Variants in HIBCH observed in about 807,000 individuals in gnomAD.
HIBCH encodes 3-hydroxyisobutyryl-CoA hydrolase, also known as 3-hydroxyisobutyryl-CoA hydrolase, mitochondrial.
HIBCH carries 50 observed loss-of-function variants against 58.2 expected under a neutral mutation model. The ratio of observed to expected loss-of-function variants is 0.86; its 90% CI spans 0.68 to 1.09. The LOEUF is 1.09. HIBCH is among the 50% of genes least tolerant of loss of function. The pLI is 0.00. For synonymous variants in HIBCH, 151 were observed against 146.9 expected (o/e 1.03, Z -0.20); for missense variants, 450 against 449.7 (o/e 1.00, Z -0.01).
chr2:190,242,381 AAAGGAGTTTGTTATTACCCACCTT>A (rs1305127757), intron 11 of HIBCH, among the ~76,000 whole-genome samples: 1 of 152,024 alleles, frequency 6.6e-6, no homozygotes, highest in Non-Finnish European at 1.5e-5. Context: ...CCTTCAGCTC[AAAGGAGTTTGTTATTACCCACCTT>A]ATGAAGCCTA....
At chr2:190,245,186 T>C (rs937435447) in intron 10 of HIBCH, 2 of 506,418 alleles carry the variant, frequency 3.9e-6, no homozygotes, top group African/African-American at 3.8e-5. Context: ...AATTTTATTT[T>C]TTCTTTTGCA....
At chr2:190,263,418 T>G (rs1221205123) in intron 6 of HIBCH, among the ~76,000 whole-genome samples, 1 of 152,122 alleles carries the variant, frequency 6.6e-6, no homozygotes, top group Non-Finnish European at 1.5e-5. Context: ...AAAATCTAAC[T>G]CATTAGTTAC....
At position 190,294,608 on chromosome 2, in the gene HIBCH, G is replaced by C; in HGVS notation, c.242C>G (p.Thr81Ser). ...TGCTCCCTTTATAATGATCAGGAAA[G>C]TTTCAGGATCTTGTTCCCACTTCTA... ...QLKKWEQDPE[T>S]FLIIIKGAGG... Residue 81 changes from threonine (T) to serine (S), a missense_variant, in exon 4 of 14, where the codon ACT becomes AGT. Physicochemically the swap from Thr to Ser is moderately conservative, Grantham distance 58 (BLOSUM62 1). Transcript: ENST00000359678. 2.5e-6 allele frequency: 4 copies of C among 1,612,254 alleles called. No homozygotes were observed. The South Asian group carries it at 4.4e-5, about 18-fold the overall frequency.
At position 190,209,394 on chromosome 2, in the gene HIBCH, T is replaced by C. The variant is rs1254184559; in HGVS notation, c.1012-481A>G. On this transcript the variant is annotated intron_variant, in intron 12 of 13. Coordinates refer to ENST00000359678, the MANE Select transcript of HIBCH (RefSeq NM_014362.4). The surrounding 1 kb of genome is among the most constrained non-coding windows in gnomAD (Gnocchi z 5.6). ...TGTGACTGGTTTCATTTAAAATTCA[T>C]GATCAAAAATCTCAAACAGGCACAG... Among the ~76,000 whole-genome samples the C allele has an allele frequency of 6.6e-6, 1 of 152,224 alleles. No homozygotes were observed. The highest frequency in any genetic ancestry group is 2.4e-5 in the African/African-American group (1 of 41,464).
chr2:190,273,358 A>G (rs997338332), intron 6 of HIBCH, among the ~76,000 whole-genome samples: 1 of 152,176 alleles, frequency 6.6e-6, no homozygotes, highest in Non-Finnish European at 1.5e-5. Flanking sequence ...ACACCACTGC[A>G]CTCCAGCCTG....
intron 6 of HIBCH, among the ~76,000 whole-genome samples, chr2:190,265,195 A>G (rs1687199603): frequency 6.6e-6 from 1 of 151,132 alleles, no homozygotes; most frequent in Admixed American, 6.6e-5. Flanking sequence ...CAATTTTCCT[A>G]AGTGGTAGTA....
chr2:190,303,129 T>C (rs1159121995), intron 2 of HIBCH, among the ~76,000 whole-genome samples: 1 of 152,220 alleles, frequency 6.6e-6, no homozygotes. Flanking sequence ...TATGAACTCA[T>C]GTTTAGTTTA....
chr2:190,208,938 G>T (rs765896037), intron 12 of HIBCH, 25 bp from the exon 13 acceptor site: 29 of 1,608,852 alleles, frequency 1.8e-5, no homozygotes, highest in Non-Finnish European at 2.4e-5. Context: ...AGATTAAATG[G>T]GGATAATTTC....
intron 2 of HIBCH, 147 bp from the exon 3 acceptor site, chr2:190,297,100 GTTAT>G (rs574483587): frequency 9.4e-6 from 7 of 747,010 alleles, no homozygotes; most frequent in South Asian, 5.2e-5. Flanking sequence ...AGTTTCTGAA[GTTAT>G]TTAGATTATG....
chr2:190,210,700 G>GC lies in HIBCH; in HGVS notation c.1012-1788dup, dbSNP rs1163032285. On this transcript the variant is annotated intron_variant, in intron 12 of 13. Transcript: ENST00000359678. The surrounding 1 kb of genome is among the most constrained non-coding windows in gnomAD (Gnocchi z 5.5). ...TCATCTCTCACTCACCACAACCTCT[G>GC]CCCCCCATCCGCTTCCACACGGCCT... Among the ~76,000 whole-genome samples the GC allele has an allele frequency of 1.3e-5, 2 of 151,858 alleles. No individual in the cohort carries two copies. The highest frequency in any genetic ancestry group is 2.1e-4 in the South Asian group (1 of 4,808).
intron 6 of HIBCH, among the ~76,000 whole-genome samples, chr2:190,267,158 A>G (rs1307071270): frequency 6.6e-6 from 1 of 151,874 alleles, no homozygotes; most frequent in African/African-American, 2.4e-5. Flanking sequence ...GGTGATGGGG[A>G]GAGTGAGGTG....
intron 11 of HIBCH, among the ~76,000 whole-genome samples, chr2:190,230,435 G>A (rs1399118092): frequency 2.6e-5 from 4 of 152,190 alleles, no homozygotes; most frequent in Admixed American, 6.5e-5. Context: ...CTTGGCTCAC[G>A]CCTGTAATCC....
chr2:190,240,107 C>T (rs181624845), intron 11 of HIBCH, among the ~76,000 whole-genome samples: 8 of 152,276 alleles, frequency 5.3e-5, no homozygotes, highest in Admixed American at 2.0e-4. Flanking sequence ...TGGCAGAATT[C>T]GGCTGTGAAT....
intron 6 of HIBCH, among the ~76,000 whole-genome samples, chr2:190,272,154 A>G (rs909070573): frequency 3.3e-5 from 5 of 152,176 alleles, no homozygotes; most frequent in African/African-American, 1.2e-4. Context: ...TAAGGCTGGT[A>G]TTGTTTAATG....
At chr2:190,267,211 T>TG (rs1444030062) in intron 6 of HIBCH, among the ~76,000 whole-genome samples, 1 of 151,986 alleles carries the variant, frequency 6.6e-6, no homozygotes, top group Non-Finnish European at 1.5e-5. Context: ...TTGTTGTTGT[T>TG]TTGTTTCATT....
downstream of HIBCH, chr2:190,199,590 G>T (rs1690149551): frequency 1.9e-6 from 1 of 518,922 alleles, no homozygotes. Context: ...TTTTACCTCA[G>T]ATTTCTTCCA....
At chr2:190,230,024 A>T (rs1686047014) in intron 11 of HIBCH, among the ~76,000 whole-genome samples, 3 of 152,206 alleles carry the variant, frequency 2.0e-5, no homozygotes, top group African/African-American at 7.2e-5. Flanking sequence ...GCCTGCTCAC[A>T]ATCTTCTGAA....
intron 1 of HIBCH, among the ~76,000 whole-genome samples, chr2:190,191,055 G>C (rs1689686231): frequency 6.6e-6 from 1 of 152,128 alleles, no homozygotes; most frequent in Non-Finnish European, 1.5e-5. Context: ...GCATGCCTTT[G>C]AGTCATCCAT....
chr2:190,207,047 G>A lies in HIBCH; in HGVS notation c.1046-1815C>T, dbSNP rs1029379946. Among the ~76,000 whole-genome samples the A allele has an allele frequency of 5.3e-5, 8 of 152,044 alleles. No individual in the cohort carries two copies. The highest frequency in any genetic ancestry group is 1.0e-4 in the Non-Finnish European group (7 of 68,000). On this transcript the variant is annotated intron_variant, in intron 13 of 13. Transcript: ENST00000359678. The surrounding 1 kb of genome is among the most constrained non-coding windows in gnomAD (Gnocchi z 4.5). ...TGAGGCAGGAGAATGGTGTGAACCC[G>A]GGAGGCGGAGTTTGCAGTGAGCCGA...
Sources: gnomAD v4.1 joint callset for allele counts (sites outside exome capture counted in the v4.1 genomes callset) on GRCh38, gnomAD v4.1.1 for gene constraint, Gnocchi (gnomAD v3.1) non-coding constraint, MANE v1.5 for transcripts, NCBI Gene and HGNC (gene_info 2026-07-23, HGNC 2026-07-21) for gene names.